The following CORIN variants were observed in gnomAD, a reference collection of about 807,000 sequenced individuals.
CORIN encodes the protein atrial natriuretic peptide-converting enzyme.
Under a neutral mutation model 125.3 loss-of-function variants are expected in CORIN, and 117 were observed. That is an observed-to-expected ratio of 0.93 (90% CI 0.80 to 1.09). The LOEUF is 1.09. Among genes scored for constraint, CORIN ranks in the 50% least tolerant of loss-of-function variants. The probability of loss-of-function intolerance (pLI) is 0.00; values close to 1 mark genes in which losing one functional copy is unlikely to be tolerated. For synonymous variants in CORIN, 450 were observed against 466.4 expected, an observed-to-expected ratio of 0.96 and a Z score of 0.45; for missense variants, 1,253 against 1,306.7, an observed-to-expected ratio of 0.96 and a Z score of 0.63.
At chr4:47,834,649 G>A (rs1337203794) in intron 1 of CORIN, among the ~76,000 whole-genome samples, 1 of 152,118 alleles carries the variant, frequency 6.6e-6, no homozygotes, top group Non-Finnish European at 1.5e-5. Context: ...ATGGCAGAAG[G>A]GAACTTTTGA....
intron 3 of CORIN, among the ~76,000 whole-genome samples, chr4:47,780,476 GAATA>G (rs1730488674): frequency 6.6e-6 from 1 of 151,984 alleles, no homozygotes; most frequent in South Asian, 2.1e-4. Context: ...AAATCAGAGT[GAATA>G]AATAAGGTAA....
intron 3 of CORIN, among the ~76,000 whole-genome samples, chr4:47,785,758 A>G (rs1046209610): frequency 2.0e-5 from 3 of 151,956 alleles, no homozygotes; most frequent in African/African-American, 7.3e-5. Flanking sequence ...CTAAAAATAC[A>G]AAAATTAGCC....
Position 47,665,260 on chromosome 4 carries a change from T to C in CORIN, c.1361A>G (p.Gln454Arg). ...GAGTTCCAATGTAATTGGTTCACAT[T>C]GACCTAACAAAGAAACATACACACA... ...DPNNSLNNCSQCEPITLELCM... is the reference protein window; with the variant it reads ...DPNNSLNNCSRCEPITLELCM... The change falls in exon 11 of 22, where the codon CAA (glutamine) becomes CGA (arginine). Residue 454 changes from glutamine to arginine, a missense_variant. By Grantham distance (43) the Gln-to-Arg change is conservative. Coordinates refer to ENST00000273857, the MANE Select transcript of CORIN (RefSeq NM_006587.4). The C allele has an allele frequency of 1.2e-5, 20 of 1,603,278 alleles. No homozygotes were observed. Among genetic ancestry groups the C allele is most frequent in the Non-Finnish European group, 1.5e-5 (18 of 1,171,648 alleles).
At chr4:47,699,802 C>T (rs553035853) in intron 5 of CORIN, among the ~76,000 whole-genome samples, 42 of 152,330 alleles carry the variant, frequency 2.8e-4, no homozygotes, top group African/African-American at 8.7e-4. Context: ...CCTGCAGACA[C>T]ATCTGGTTTA....
intron 4 of CORIN, among the ~76,000 whole-genome samples, chr4:47,756,055 A>T (rs1399231232): frequency 6.6e-6 from 1 of 152,220 alleles, no homozygotes; most frequent in Non-Finnish European, 1.5e-5. Flanking sequence ...AAAGTAAGAG[A>T]GGCAATAAAC....
chr4:47,768,044 T>C (rs1003512278), intron 3 of CORIN, among the ~76,000 whole-genome samples: 1 of 152,190 alleles, frequency 6.6e-6, no homozygotes, highest in East Asian at 1.9e-4. Context: ...GTTCTTGCCT[T>C]AACTGATGAC....
At chr4:47,706,212 AC>A (rs1726542930) in intron 5 of CORIN, among the ~76,000 whole-genome samples, 1 of 152,218 alleles carries the variant, frequency 6.6e-6, no homozygotes, top group Admixed American at 6.5e-5. Flanking sequence ...AGAATTTCTC[AC>A]CGTGGTATCC....
chr4:47,702,516 T>A (rs1331664365), intron 5 of CORIN, among the ~76,000 whole-genome samples: 1 of 152,188 alleles, frequency 6.6e-6, no homozygotes, highest in Non-Finnish European at 1.5e-5. Context: ...AGCCATCCCA[T>A]GGTATTTTTC....
At chr4:47,759,489 C>T (rs916909844) in intron 4 of CORIN, among the ~76,000 whole-genome samples, 2 of 152,062 alleles carry the variant, frequency 1.3e-5, no homozygotes, top group Non-Finnish European at 2.9e-5. Flanking sequence ...ATCCAAAATA[C>T]ATAAGGAACT....
chr4:47,601,045 C>T (rs1721430206), intron 20 of CORIN, among the ~76,000 whole-genome samples: 1 of 152,178 alleles, frequency 6.6e-6, no homozygotes, highest in South Asian at 2.1e-4. Context: ...CACTGTTCTT[C>T]TTTTAAACAG....
intron 13 of CORIN, among the ~76,000 whole-genome samples, chr4:47,651,566 T>G (rs1723731384): frequency 6.6e-6 from 1 of 152,248 alleles, no homozygotes; most frequent in Non-Finnish European, 1.5e-5. Context: ...AGTTTTCTAT[T>G]GTTAGTCACT....
intron 9 of CORIN, among the ~76,000 whole-genome samples, chr4:47,674,897 A>C (rs1008881272): frequency 2.6e-5 from 4 of 152,168 alleles, no homozygotes; most frequent in Non-Finnish European, 5.9e-5. Context: ...CTTTTTTAAG[A>C]CTCATTTGCT....
At chr4:47,674,344 GA>G in intron 10 of CORIN, 48 bp downstream of exon 10, 1 of 1,249,652 alleles carries the variant, frequency 8.0e-7, no homozygotes, top group Non-Finnish European at 1.2e-6. Context: ...GAAAAATGCT[GA>G]ATGCATGCCC....
At chr4:47,668,300 A>G (rs920211970) in intron 10 of CORIN, among the ~76,000 whole-genome samples, 9 of 151,872 alleles carry the variant, frequency 5.9e-5, no homozygotes, top group Non-Finnish European at 2.9e-5. Context: ...ACATCTCTCC[A>G]CTCCCCTTTC....
At position 47,837,922 on chromosome 4, in the gene CORIN, C is replaced by T. The variant is rs61758484; in HGVS notation, c.28G>A (p.Glu10Lys). Residue 10 changes from glutamate to lysine, a missense_variant, in exon 1 of 22, where the codon GAA becomes AAA. Transcript: ENST00000273857. ...GACCCGGCTCTGCGGCAGCGCTCTT[C>T]CGGAGCGAGGGCAGGAGACTGTTTC... MKQSPALAP[E>K]ERCRRAGSPK... 2.1e-3 allele frequency: 3,392 copies of T among 1,613,678 alleles called. 9 individuals carry two copies. Among genetic ancestry groups the T allele is most frequent in the Non-Finnish European group, 2.3e-3 (2,697 of 1,180,024 alleles).
chr4:47,648,276 A>G (rs932707870), intron 13 of CORIN, among the ~76,000 whole-genome samples: 3 of 152,344 alleles, frequency 2.0e-5, no homozygotes, highest in Admixed American at 6.5e-5. Context: ...TTGATGTCAG[A>G]ATAATAACCT....
At position 47,618,594 on chromosome 4, in the gene CORIN, C is replaced by T. The variant is rs528070675; in HGVS notation, c.2540+4977G>A. Reference sequence around the variant, plus strand: ...CAGCACTTTGGGAGGCCGAGGAGGGCGGATCACAAGGTCAGGAGATCGAGA... The same window carrying T: ...CAGCACTTTGGGAGGCCGAGGAGGGTGGATCACAAGGTCAGGAGATCGAGA... On this transcript the variant is annotated intron_variant, in intron 19 of 21. Transcript: ENST00000273857. Among the ~76,000 whole-genome samples, 13 of 151,884 alleles carry T rather than the reference C, an allele frequency of 8.6e-5. No individual in the cohort carries two copies. In the East Asian group the frequency reaches 1.8e-3, roughly 21 times the overall value.
chr4:47,778,005 G>T (rs1730376099), intron 3 of CORIN, among the ~76,000 whole-genome samples: 2 of 152,104 alleles, frequency 1.3e-5, no homozygotes, highest in South Asian at 2.1e-4. Context: ...GGTTTTTTTG[G>T]TTTTTTGATT....
rs185912539 is a variant in CORIN, at chr4:47,702,649, T to A, written c.800-9566A>T. ...TCACAGTTTCTTTTAGTCCATTTTA[T>A]GTATTGGCTATTTAAAAGCTAAAAT... On this transcript the variant is annotated intron_variant, in intron 5 of 21. Transcript: ENST00000273857. 1.1e-3 allele frequency among the ~76,000 whole-genome samples: 174 copies of A among 152,362 alleles called. 3 individuals are homozygous for A. Among genetic ancestry groups the A allele is most frequent in the Admixed American group, 9.7e-3 (148 of 15,310 alleles).
Sources: allele counts gnomAD v4.1 joint callset (sites outside exome capture counted in the v4.1 genomes callset), GRCh38; gene constraint gnomAD v4.1.1; transcripts MANE v1.5; gene names NCBI Gene and HGNC (gene_info 2026-07-23, HGNC 2026-07-21).